TEKT4: variants seen among roughly 807,000 people sequenced by gnomAD.
TEKT4 encodes tektin-4.
In TEKT4, 46 loss-of-function variants were observed where a neutral mutation model predicts 46.0. The observed-to-expected ratio is 1.00, with a 90% CI of 0.79 to 1.28. The LOEUF is 1.28. Among genes scored for constraint, TEKT4 ranks in the 50% most tolerant of loss-of-function variants. TEKT4 has a pLI of 0.00. For missense variants in TEKT4, 790 were observed against 622.9 expected (o/e 1.27, Z -2.85); for synonymous variants, 325 against 265.8 (o/e 1.22, Z -2.17).
In TEKT4 at chr2:94,874,061, G is replaced by C. The variant is rs1480731790; in HGVS notation, c.666G>C (p.Gln222His). The C allele has an allele frequency of 3.1e-6, 5 of 1,613,568 alleles. No individual in the cohort carries two copies. In the African/African-American group the frequency reaches 5.3e-5, roughly 17 times the overall value. ...AGACCTGCGGGCGCCACCACAGCCA[G>C]AGCACCGAGGTGCAGGCTCATCCGT... Reference protein sequence around the residue: ...IDETCGRHHSQSTEVQAHPYS... With the variant: ...IDETCGRHHSHSTEVQAHPYS... The change falls in exon 3 of 6, where the codon CAG becomes CAC. Residue 222 changes from glutamine to histidine, a missense_variant. Gln to His is a conservative substitution (Grantham distance 24). Coordinates refer to ENST00000295201, the MANE Select transcript of TEKT4 (RefSeq NM_144705.4).
intron 1 of TEKT4, chr2:94,872,363 A>G: frequency 1.9e-6 from 1 of 530,416 alleles, no homozygotes; most frequent in Non-Finnish European, 3.3e-6. Context: ...GCCACAAGGC[A>G]CCTCCCCAGA....
At chr2:94,875,060 C>T (rs112920853) in intron 4 of TEKT4, 62 bp downstream of exon 4, 27 of 1,472,902 alleles carry the variant, frequency 1.8e-5, no homozygotes, top group Non-Finnish European at 2.4e-5. Context: ...CCCTCAACAC[C>T]TTTCTCCTCT....
At chr2:94,875,115 C>T (rs563643912) in intron 4 of TEKT4, 117 bp downstream of exon 4, 195 of 1,116,452 alleles carry the variant, frequency 1.7e-4, no homozygotes, top group Admixed American at 4.5e-4. Context: ...GTCTCCTCTC[C>T]GTAAACCTAT....
At chr2:94,872,126 GCCC>G in intron 1 of TEKT4, 49 bp downstream of exon 1, 1 of 1,347,248 alleles carries the variant, frequency 7.4e-7, no homozygotes, top group Non-Finnish European at 9.8e-7. Context: ...GAGAGGAGGA[GCCC>G]CCCCCCCCGC....
rs1379600950 is a variant in TEKT4, at chr2:94,873,767, GCCCAGTGCCACATCTGATCTGCAGCCT to G, written c.569+183_570-166del. Among the ~76,000 whole-genome samples, 5 of 152,156 alleles carry G rather than the reference GCCCAGTGCCACATCTGATCTGCAGCCT, an allele frequency of 3.3e-5. No homozygotes were observed. In the East Asian group the frequency reaches 7.7e-4, roughly 23 times the overall value. ...CGCAGCCTGAGGTTGAGTGGCCAGA[GCCCAGTGCCACATCTGATCTGCAGCCT>G]CCCAGCCTGGGCCGCAGCTCCTGGT... On this transcript the variant is annotated intron_variant, in intron 2 of 5. Transcript: ENST00000295201.
At position 94,874,791 on chromosome 2, in the gene TEKT4, G is replaced by A. The variant is rs782449437; in HGVS notation, c.729G>A (p.Glu243=). 1 of 1,586,862 alleles carries A rather than the reference G, an allele frequency of 6.3e-7. No homozygotes were observed. The highest frequency in any genetic ancestry group is 8.6e-7 in the Non-Finnish European group (1 of 1,168,980). The stretch of plus-strand genomic sequence containing the variant: ...CGCCCCGCAGCGCCTCCACCCCGGA[G>A]ACCCGGGCCAAGTTCACGCAGGACA... ...TTFQESASTP[E]TRAKFTQDNL... Residue 243 remains glutamate, a synonymous_variant, in exon 4 of 6, where the codon GAG becomes GAA. Coordinates refer to ENST00000295201, the MANE Select transcript of TEKT4 (RefSeq NM_144705.4).
chr2:94,872,159 C>G (rs552477197), intron 1 of TEKT4, 82 bp downstream of exon 1: 3 of 1,453,840 alleles, frequency 2.1e-6, no homozygotes, highest in South Asian at 2.8e-5. Flanking sequence ...GGACAAGCCA[C>G]GTGGCTGCTG....
At position 94,874,880 on chromosome 2, in the gene TEKT4, T is replaced by C. The variant is rs199527521; in HGVS notation, c.818T>C (p.Ile273Thr). 27 of 1,610,638 alleles carry C rather than the reference T, an allele frequency of 1.7e-5. No individual in the cohort carries two copies. The highest frequency in any genetic ancestry group is 1.8e-5 in the Non-Finnish European group (21 of 1,179,048). ...SANLRVLVDCILRDTSEDLRL... is the reference protein window; with the variant it reads ...SANLRVLVDCTLRDTSEDLRL... ...AACCTGCGGGTGCTGGTGGACTGCA[T>C]CCTTCGCGACACCTCCGAGGACCTG... The change falls in exon 4 of 6, where the codon ATC (isoleucine) becomes ACC (threonine). Residue 273 changes from isoleucine (I) to threonine (T), a missense_variant. By Grantham distance (89) the Ile-to-Thr change is moderately conservative. Transcript: ENST00000295201.
intron 1 of TEKT4, chr2:94,873,177 A>G (rs201080673): frequency 3.2e-6 from 4 of 1,241,942 alleles, no homozygotes; most frequent in Non-Finnish European, 4.1e-6. Context: ...TTGGGTCCTC[A>G]GGGGCTGTCC....
Position 94,875,532 on chromosome 2 carries a change from G to A in TEKT4, c.937-56G>A, listed in dbSNP as rs1366199579. The stretch of plus-strand genomic sequence containing the variant: ...TGGGTAGGACCAGCCTGGTCTCGGC[G>A]TTCTATATACCCGGGCATGGGGGCA... On this transcript the variant is annotated intron_variant, in intron 4 of 5. Coordinates refer to ENST00000295201, the MANE Select transcript of TEKT4 (RefSeq NM_144705.4). 53 of 1,607,836 alleles carry A rather than the reference G, an allele frequency of 3.3e-5. 2 individuals carry two copies. The Middle Eastern group carries it at 7.0e-4, about 21-fold the overall frequency.
At chr2:94,873,078 G>A (rs1573182453) in intron 1 of TEKT4, 1 of 1,264,394 alleles carries the variant, frequency 7.9e-7, no homozygotes. Flanking sequence ...AGAAACACAG[G>A]GTCCTTCTCC....
intron 3 of TEKT4, among the ~76,000 whole-genome samples, chr2:94,874,332 G>T (rs868947387): frequency 2.0e-5 from 3 of 152,204 alleles, no homozygotes; most frequent in Admixed American, 6.5e-5. Flanking sequence ...GTAGGGTGGG[G>T]TCAGACCCAG....
chr2:94,871,464 G>A lies in TEKT4; in HGVS notation c.-116G>A, dbSNP rs78807233. ...AGTGTCACCCAAGCGACTGGGAGCC[G>A]CGTCCTGCTCTGGGACTGAGCCGTT... is the stretch of plus-strand genomic sequence containing the variant. On this transcript the variant is annotated 5_prime_UTR_variant, in exon 1 of 6. Transcript: ENST00000295201. 10 of 1,322,356 alleles carry A rather than the reference G, an allele frequency of 7.6e-6. No homozygotes were observed. Among genetic ancestry groups the A allele is most frequent in the African/African-American group, 4.5e-5 (3 of 67,398 alleles). 81.9% of individuals were successfully genotyped at this position (1,322,356 alleles called of 1,614,324 possible).
In TEKT4 at chr2:94,871,435, A is replaced by C; in HGVS notation, c.-145A>C. ...CTTGGCAACAGGAAGCTCTTGGTTT[A>C]CACAGTGTCACCCAAGCGACTGGGA... On this transcript the variant is annotated 5_prime_UTR_variant, in exon 1 of 6. Transcript: ENST00000295201. 1.2e-6 allele frequency: 1 copy of C among 813,112 alleles called. No individual in the cohort carries two copies. Among genetic ancestry groups the C allele is most frequent in the Non-Finnish European group, 1.7e-6 (1 of 583,432 alleles). 50.4% of individuals were successfully genotyped at this position (813,112 alleles called of 1,614,324 possible).
chr2:94,876,380 G>A (rs1243902091), intron 5 of TEKT4, among the ~76,000 whole-genome samples, 173 bp from the exon 6 acceptor site: 1 of 152,146 alleles, frequency 6.6e-6, no homozygotes, highest in Non-Finnish European at 1.5e-5. Context: ...TCCCTGGGAG[G>A]ACCCTCGTAA....
In TEKT4 at chr2:94,874,938, C is replaced by A; in HGVS notation, c.876C>A (p.Phe292Leu). The change falls in exon 4 of 6, where the codon TTC becomes TTA. Residue 292 changes from phenylalanine (F) to leucine (L), a missense_variant. Phe to Leu is a conservative substitution (Grantham distance 22). Coordinates refer to ENST00000295201, the MANE Select transcript of TEKT4 (RefSeq NM_144705.4). The part of the protein sequence containing the change: ...RLQCDAVNLA[F>L]GRRCEELEDA... ...AGTGCGACGCCGTGAACCTGGCCTT[C>A]GGGCGCCGCTGTGAGGAGCTGGAGG... 1 of 1,611,846 alleles carries A rather than the reference C, an allele frequency of 6.2e-7. No individual in the cohort carries two copies. The highest frequency in any genetic ancestry group is 1.7e-5 in the Admixed American group (1 of 59,920).
At chr2:94,873,819 T>C in intron 2 of TEKT4, 146 bp from the exon 3 acceptor site, 1 of 1,250,726 alleles carries the variant, frequency 8.0e-7, no homozygotes, top group Non-Finnish European at 1.1e-6. Flanking sequence ...CAGCTCCTGG[T>C]CACTGCTGAG....
intron 1 of TEKT4, 185 bp downstream of exon 1, chr2:94,872,262 C>A (rs1404595720): frequency 2.9e-6 from 2 of 698,256 alleles, no homozygotes; most frequent in South Asian, 1.9e-5. Context: ...CCCCAGAAGA[C>A]CCCTGACTTC....
intron 1 of TEKT4, 46 bp from the exon 2 acceptor site, chr2:94,873,474 C>G: frequency 6.2e-7 from 1 of 1,611,432 alleles, no homozygotes; most frequent in South Asian, 1.1e-5. Context: ...CTCCTGGGAT[C>G]CTCACCAGGG....
Sources: gnomAD v4.1 joint callset for allele counts (sites outside exome capture counted in the v4.1 genomes callset) on GRCh38, gnomAD v4.1.1 for gene constraint, MANE v1.5 for transcripts, NCBI Gene and HGNC (gene_info 2026-07-23, HGNC 2026-07-21) for gene names.